Variants in TMIGD1 observed in about 807,000 individuals in gnomAD.
TMIGD1 encodes transmembrane and immunoglobulin domain containing 1, also known as transmembrane and immunoglobulin domain-containing protein 1.
TMIGD1 carries 29 observed loss-of-function variants against 27.5 expected under a neutral mutation model. The observed-to-expected ratio is 1.05, with a 90% CI of 0.78 to 1.44. The LOEUF is 1.44. Among genes scored for constraint, TMIGD1 ranks in the 40% most tolerant of loss-of-function variants. TMIGD1 has a pLI of 0.00. For synonymous variants in TMIGD1, 109 were observed against 110.3 expected (o/e 0.99, Z 0.07); for missense variants, 334 against 310.6 (o/e 1.08, Z -0.57).
At chr17:30,331,916 C>G (rs929990979) in intron 2 of TMIGD1, 136 bp downstream of exon 2, 1 of 645,988 alleles carries the variant, frequency 1.5e-6, no homozygotes, top group South Asian at 2.0e-5. Flanking sequence ...TTAGTTGACT[C>G]CTGTACTGTG....
chr17:30,319,211 C>G (rs1909523752), intron 4 of TMIGD1, among the ~76,000 whole-genome samples: 3 of 130,422 alleles, frequency 2.3e-5, no homozygotes. Context: ...CAAGACCAGC[C>G]TGGCCCACAT....
chr17:30,322,004 T>C (rs2143146304), intron 4 of TMIGD1, among the ~76,000 whole-genome samples: 1 of 152,198 alleles, frequency 6.6e-6, no homozygotes, highest in South Asian at 2.1e-4. Flanking sequence ...AATTTTTTGA[T>C]TTGATGTAGA....
At chr17:30,325,205 A>C in intron 3 of TMIGD1, 111 bp from the exon 4 acceptor site, 1 of 1,150,562 alleles carries the variant, frequency 8.7e-7, no homozygotes, top group South Asian at 1.6e-5. Flanking sequence ...ATTTGACAAA[A>C]ATTTATTAAA....
intron 2 of TMIGD1, 111 bp from the exon 3 acceptor site, chr17:30,329,640 C>G (rs1909910013): frequency 1.3e-6 from 1 of 778,648 alleles, no homozygotes; most frequent in African/African-American, 1.7e-5. Flanking sequence ...AAAATAAACT[C>G]TCAACGATTA....
At chr17:30,328,835 G>A (rs1304078559) in intron 3 of TMIGD1, among the ~76,000 whole-genome samples, 1 of 151,676 alleles carries the variant, frequency 6.6e-6, no homozygotes, top group East Asian at 1.9e-4. Context: ...ATGGTAGTGG[G>A]CACCTGCAGT....
chr17:30,316,881 T>G (rs1279351336), intron 6 of TMIGD1, 191 bp from the exon 7 acceptor site: 1 of 655,158 alleles, frequency 1.5e-6, no homozygotes, highest in East Asian at 2.7e-5. Context: ...CTGGCCTTGT[T>G]GTAAAGCAGT....
intron 4 of TMIGD1, among the ~76,000 whole-genome samples, chr17:30,324,516 T>C (rs1463724373): frequency 4.6e-5 from 7 of 152,208 alleles, no homozygotes; most frequent in African/African-American, 1.7e-4. Context: ...ACACACATTG[T>C]TGCCCAGGAG....
chr17:30,320,351 T>C (rs1283340763), intron 4 of TMIGD1, among the ~76,000 whole-genome samples: 1 of 152,108 alleles, frequency 6.6e-6, no homozygotes, highest in Non-Finnish European at 1.5e-5. Context: ...CTACTTTATT[T>C]ATCAGTCACT....
At chr17:30,316,751 A>G in intron 6 of TMIGD1, 61 bp from the exon 7 acceptor site, 2 of 1,500,954 alleles carry the variant, frequency 1.3e-6, no homozygotes, top group Non-Finnish European at 1.8e-6. Context: ...AAAATTCAAA[A>G]CAAAACCCAT....
At chr17:30,332,183 T>C in intron 1 of TMIGD1, 25 bp from the exon 2 acceptor site, 1 of 1,486,610 alleles carries the variant, frequency 6.7e-7, no homozygotes. Flanking sequence ...GTGCAGTTGG[T>C]TTTGTACTTT....
intron 3 of TMIGD1, 23 bp downstream of exon 3, chr17:30,329,228 C>T: frequency 6.2e-7 from 1 of 1,608,108 alleles, no homozygotes; most frequent in Non-Finnish European, 8.5e-7. Flanking sequence ...GACCCACTAG[C>T]TGTTTCTTTT....
At chr17:30,331,749 A>G (rs778356235) in intron 2 of TMIGD1, among the ~76,000 whole-genome samples, 6 of 151,906 alleles carry the variant, frequency 3.9e-5, no homozygotes, top group Non-Finnish European at 8.8e-5. Context: ...CCAGCACACC[A>G]GGCTAATTTT....
rs143500686 is a variant in TMIGD1 at position 30,324,192 on chromosome 17, A to G, written c.640+624T>C. 4.8e-3 allele frequency among the ~76,000 whole-genome samples: 726 copies of G among 152,320 alleles called. 3 individuals carry two copies. Among genetic ancestry groups the G allele is most frequent in the South Asian group, 8.5e-3 (41 of 4,828 alleles). On this transcript the variant is annotated intron_variant, in intron 4 of 6. Transcript: ENST00000328886. ...CCATGTGTGAATGAGCATTTTTGGC[A>G]TCTGCTACCCCAGGTATTTTGCCTT...
At chr17:30,328,265 A>G (rs2143173221) in intron 3 of TMIGD1, among the ~76,000 whole-genome samples, 1 of 152,178 alleles carries the variant, frequency 6.6e-6, no homozygotes, top group Non-Finnish European at 1.5e-5. Flanking sequence ...CGAACTCCTG[A>G]TCTTAAGTGA....
rs142208498 is a variant in TMIGD1, at chr17:30,329,524, C to G, written c.88G>C (p.Val30Leu). The change falls in exon 3 of 7, where the codon GTT becomes CTT. Residue 30 changes from valine to leucine, a missense_variant. Physicochemically the swap from Val to Leu is conservative, Grantham distance 32. Coordinates refer to ENST00000328886, the MANE Select transcript of TMIGD1 (RefSeq NM_206832.3). ...LFLPREMTSS[V>L]LTVNGKTENY... The stretch of plus-strand genomic sequence containing the variant: ...TCAGTTTTACCATTCACAGTTAAAA[C>G]AGAACCTGGGAGTATAGGGAGAAAC... 1.9e-6 allele frequency: 3 copies of G among 1,608,734 alleles called. No individual in the cohort carries two copies. Among genetic ancestry groups the G allele is most frequent in the African/African-American group, 2.7e-5 (2 of 74,898 alleles).
At chr17:30,321,266 A>G (rs1284518240) in intron 4 of TMIGD1, among the ~76,000 whole-genome samples, 2 of 151,850 alleles carry the variant, frequency 1.3e-5, no homozygotes, top group Non-Finnish European at 2.9e-5. Context: ...AAAGTGTTGC[A>G]ATTACAGGCA....
intron 3 of TMIGD1, among the ~76,000 whole-genome samples, chr17:30,326,399 G>T (rs1204036024): frequency 6.6e-6 from 1 of 152,010 alleles, no homozygotes; most frequent in East Asian, 1.9e-4. Context: ...TTATGAGTTT[G>T]GTGTAAATCC....
At chr17:30,319,261 A>AAAAAAAAAAAAAAATATATATATATATAT in intron 4 of TMIGD1, among the ~76,000 whole-genome samples, 21 of 69,018 alleles carry the variant, frequency 3.0e-4, no homozygotes, top group East Asian at 1.0e-3. Context: ...AAAAAAAAAA[A>AAAAAAAAAAAAAAATATATATATATATAT]ATATATATAT....
At chr17:30,324,686 G>T in intron 4 of TMIGD1, 130 bp downstream of exon 4, 2 of 1,112,344 alleles carry the variant, frequency 1.8e-6, no homozygotes, top group Non-Finnish European at 2.5e-6. Flanking sequence ...CCTTGGATGG[G>T]GATGATTCTC....
Sources: gnomAD v4.1 joint callset for allele counts (sites outside exome capture counted in the v4.1 genomes callset) on GRCh38, gnomAD v4.1.1 for gene constraint, MANE v1.5 for transcripts, NCBI Gene and HGNC (gene_info 2026-07-23, HGNC 2026-07-21) for gene names.